TENM4: variants seen among roughly 807,000 people sequenced by gnomAD.
TENM4 encodes the protein teneurin transmembrane protein 4.
In TENM4, 82 loss-of-function variants were observed where a neutral mutation model predicts 243.3. The observed-to-expected ratio is 0.34, with a 90% CI of 0.28 to 0.40. The LOEUF (loss-of-function observed/expected upper bound fraction) is 0.40. Ranked by LOEUF, TENM4 falls within the 10% of genes least tolerant of loss-of-function variation. The pLI, the probability that TENM4 is intolerant of heterozygous loss-of-function variation, is 1.00. For synonymous variants in TENM4, 1,412 were observed against 1,456.3 expected, an observed-to-expected ratio of 0.97 and a Z score of 0.69; for missense variants, 3,138 against 3,673.3, an observed-to-expected ratio of 0.85 and a Z score of 3.77.
At chr11:79,208,947 G>A (rs943899537) in intron 3 of TENM4, among the ~76,000 whole-genome samples, 1 of 152,216 alleles carries the variant, frequency 6.6e-6, no homozygotes, top group Non-Finnish European at 1.5e-5. Flanking sequence ...CAGCGACAGA[G>A]GTCCACAGCC....
At chr11:79,008,417 A>G (rs953076963) in intron 6 of TENM4, among the ~76,000 whole-genome samples, 2 of 152,252 alleles carry the variant, frequency 1.3e-5, no homozygotes, top group African/African-American at 4.8e-5. Context: ...AAATTTAGAA[A>G]AAAAGGAAAA....
At chr11:79,183,251 T>C (rs76747202) in intron 3 of TENM4, among the ~76,000 whole-genome samples, 9,590 of 152,176 alleles carry the variant, frequency 0.063, 782 homozygotes, top group East Asian at 0.41. Flanking sequence ...TATCAAGCCA[T>C]GAAAAGACAT....
At chr11:78,957,785 G>C (rs671097) in intron 6 of TENM4, among the ~76,000 whole-genome samples, 2 of 151,972 alleles carry the variant, frequency 1.3e-5, no homozygotes, top group Non-Finnish European at 2.9e-5. Context: ...TTTAGTGCCC[G>C]GTCATCTGGT....
intron 3 of TENM4, among the ~76,000 whole-genome samples, chr11:79,205,582 A>T (rs897528920): frequency 6.6e-6 from 1 of 152,208 alleles, no homozygotes; most frequent in African/African-American, 2.4e-5. Context: ...AGTTTCTGAG[A>T]TAGTTTTATT....
intron 2 of TENM4, among the ~76,000 whole-genome samples, chr11:79,221,423 G>C (rs1391832426): frequency 1.3e-5 from 2 of 151,428 alleles, no homozygotes; most frequent in Non-Finnish European, 2.9e-5. Flanking sequence ...GCTGCTGCTT[G>C]TGGACTCAAA....
At chr11:79,061,781 T>C (rs1860095078) in intron 6 of TENM4, among the ~76,000 whole-genome samples, 1 of 152,104 alleles carries the variant, frequency 6.6e-6, no homozygotes, top group Admixed American at 6.5e-5. Flanking sequence ...TAGGCTTGAG[T>C]TCCAATCTCA....
At chr11:79,344,330 A>G (rs1175911246) in intron 1 of TENM4, among the ~76,000 whole-genome samples, 2 of 152,088 alleles carry the variant, frequency 1.3e-5, no homozygotes, top group Non-Finnish European at 2.9e-5. Flanking sequence ...TCTCTTCCCT[A>G]TGGGCTAGGG....
rs1048536395 is a variant in TENM4, at chr11:79,166,287, T to C, written c.-162-17481A>G. ...AGAAAGATGAAGGTATTTCGTCTTCTGGACCCCACTGGCTCCATTTCTGGA... is the reference window on the plus strand; with the variant it reads ...AGAAAGATGAAGGTATTTCGTCTTCCGGACCCCACTGGCTCCATTTCTGGA... On this transcript the variant is annotated intron_variant, in intron 3 of 33. Coordinates refer to ENST00000278550, the MANE Select transcript of TENM4 (RefSeq NM_001098816.3). Among the ~76,000 whole-genome samples, 9 of 152,262 alleles carry C rather than the reference T, an allele frequency of 5.9e-5. 1 individual carries two copies. Among genetic ancestry groups the C allele is most frequent in the Non-Finnish European group, 1.0e-4 (7 of 68,046 alleles).
chr11:78,943,929 T>C (rs1301184682), intron 6 of TENM4, among the ~76,000 whole-genome samples: 4 of 152,242 alleles, frequency 2.6e-5, no homozygotes, highest in Non-Finnish European at 5.9e-5. Context: ...CAAAGGTGTG[T>C]GTATAACGTG....
intron 2 of TENM4, chr11:79,221,209 G>T (rs1329149017): frequency 6.6e-6 from 1 of 152,152 alleles, no homozygotes; most frequent in East Asian, 1.9e-4. Context: ...AGCCAGCATA[G>T]TGCCTGGGAT....
chr11:79,029,388 T>G (rs1243989233), intron 6 of TENM4, among the ~76,000 whole-genome samples: 3 of 152,112 alleles, frequency 2.0e-5, no homozygotes, highest in Non-Finnish European at 4.4e-5. Context: ...TCTTATGGAG[T>G]TAGCAAATTT....
intron 6 of TENM4, among the ~76,000 whole-genome samples, chr11:79,047,149 G>A (rs1305358785): frequency 6.6e-6 from 1 of 152,080 alleles, no homozygotes; most frequent in Non-Finnish European, 1.5e-5. Flanking sequence ...ATTACTTTGC[G>A]CCAACCTAAT....
At chr11:78,913,746 C>T (rs995814348) in intron 6 of TENM4, among the ~76,000 whole-genome samples, 7 of 151,984 alleles carry the variant, frequency 4.6e-5, no homozygotes, top group South Asian at 4.2e-4. Context: ...GAAACAGGGA[C>T]GGCCATGCTG....
chr11:78,832,691 G>A (rs574873136), intron 12 of TENM4, among the ~76,000 whole-genome samples: 1 of 152,184 alleles, frequency 6.6e-6, no homozygotes, highest in South Asian at 2.1e-4. Flanking sequence ...CTCGTAATAA[G>A]GGCAGGGCCT....
At chr11:79,013,789 C>T (rs546034430) in intron 6 of TENM4, among the ~76,000 whole-genome samples, 11 of 152,348 alleles carry the variant, frequency 7.2e-5, no homozygotes, top group African/African-American at 2.6e-4. Context: ...AGTATAACAA[C>T]TCCTCTGCTG....
intron 6 of TENM4, among the ~76,000 whole-genome samples, chr11:79,019,026 G>T (rs1381512470): frequency 6.6e-6 from 1 of 152,138 alleles, no homozygotes; most frequent in South Asian, 2.1e-4. Context: ...CTATTCCATG[G>T]TAGTGGTTTG....
chr11:78,802,776 T>C (rs140411177), intron 15 of TENM4, among the ~76,000 whole-genome samples: 6 of 152,376 alleles, frequency 3.9e-5, no homozygotes, highest in Non-Finnish European at 7.3e-5. Context: ...CAAACGCCAA[T>C]TGTTTTCACT....
chr11:79,322,472 T>C (rs1454557582), intron 1 of TENM4, among the ~76,000 whole-genome samples: 2 of 152,192 alleles, frequency 1.3e-5, no homozygotes, highest in Non-Finnish European at 2.9e-5. Flanking sequence ...CGTAGGCTCC[T>C]TTAGTATAGG....
At chr11:79,164,137 A>G (rs1461162756) in intron 3 of TENM4, among the ~76,000 whole-genome samples, 2 of 119,778 alleles carry the variant, frequency 1.7e-5, no homozygotes, top group African/African-American at 3.4e-5. Flanking sequence ...TATATAGTAT[A>G]TATGTATATA....
Sources: allele counts gnomAD v4.1 joint callset (sites outside exome capture counted in the v4.1 genomes callset), GRCh38; gene constraint gnomAD v4.1.1; transcripts MANE v1.5; gene names NCBI Gene and HGNC (gene_info 2026-07-23, HGNC 2026-07-21).